Variants in GREB1L observed in about 807,000 individuals in gnomAD.
The protein encoded by GREB1L is GREB1 like retinoic acid receptor coactivator.
GREB1L carries 17 observed loss-of-function variants against 200.8 expected under a neutral mutation model. The observed-to-expected ratio is 0.08, with a 90% CI of 0.06 to 0.13. The LOEUF (loss-of-function observed/expected upper bound fraction) is 0.13, where lower values mean the gene tolerates loss of function less well. Among genes scored for constraint, GREB1L ranks in the 10% least tolerant of loss-of-function variants. GREB1L has a pLI of 1.00. For missense variants in GREB1L, 1,657 were observed against 2,367.7 expected, an observed-to-expected ratio of 0.70 and a Z score of 6.23; for synonymous variants, 789 against 893.0, an observed-to-expected ratio of 0.88 and a Z score of 2.08.
In GREB1L at chr18:21,414,884, T is replaced by A. The variant is rs575885086; in HGVS notation, c.832+10890T>A. Among the ~76,000 whole-genome samples, 632 of 152,228 alleles carry A rather than the reference T, an allele frequency of 4.2e-3. 6 individuals carry two copies. The highest frequency in any genetic ancestry group is 0.014 in the African/African-American group (586 of 41,546). On this transcript the variant is annotated intron_variant, in intron 7 of 32. Transcript: ENST00000424526. ...TACAGACAAAAATACATTAAAAAAA[T>A]TTTAAATACACTATTCATCAGGCAA...
intron 21 of GREB1L, among the ~76,000 whole-genome samples, chr18:21,499,027 G>A (rs1006995220): frequency 2.6e-5 from 4 of 152,168 alleles, no homozygotes; most frequent in Non-Finnish European, 5.9e-5. Flanking sequence ...AAATATGTGG[G>A]GCTACTTTAG....
intron 7 of GREB1L, among the ~76,000 whole-genome samples, chr18:21,406,794 T>A (rs556715379): frequency 6.6e-6 from 1 of 152,296 alleles, no homozygotes; most frequent in African/African-American, 2.4e-5. Flanking sequence ...TTGTCTTGAG[T>A]TCTACCTGCT....
chr18:21,446,962 A>G (rs768228793), intron 11 of GREB1L, among the ~76,000 whole-genome samples: 1 of 152,366 alleles, frequency 6.6e-6, no homozygotes, highest in South Asian at 2.1e-4. Flanking sequence ...CTCTGAGTCT[A>G]TTTAAACCTT....
chr18:21,350,955 ATTC>A (rs1202917977), intron 1 of GREB1L, among the ~76,000 whole-genome samples: 1 of 151,944 alleles, frequency 6.6e-6, no homozygotes, highest in Admixed American at 6.6e-5. Flanking sequence ...ATTTATTCTC[ATTC>A]TTCTTCTCTG....
intron 1 of GREB1L, among the ~76,000 whole-genome samples, chr18:21,273,702 G>C (rs2038115214): frequency 6.6e-6 from 1 of 152,168 alleles, no homozygotes; most frequent in South Asian, 2.1e-4. Flanking sequence ...GGAAGATTGA[G>C]ACAAAGCACA....
intron 1 of GREB1L, among the ~76,000 whole-genome samples, chr18:21,258,650 G>A (rs1042171910): frequency 7.2e-5 from 11 of 152,150 alleles, no homozygotes; most frequent in African/African-American, 2.7e-4. Flanking sequence ...TTTAAATAAA[G>A]GATGGTAATG....
At chr18:21,374,268 T>C (rs1270630374) in intron 2 of GREB1L, among the ~76,000 whole-genome samples, 5 of 152,200 alleles carry the variant, frequency 3.3e-5, no homozygotes, top group African/African-American at 1.2e-4. Flanking sequence ...CCTCCCAAAT[T>C]GCTGGGATTA....
intron 15 of GREB1L, among the ~76,000 whole-genome samples, chr18:21,466,780 G>T (rs568122171): frequency 6.6e-6 from 1 of 152,182 alleles, no homozygotes; most frequent in East Asian, 1.9e-4. Flanking sequence ...GAAATTTGAG[G>T]ACCCAGCATA....
chr18:21,297,076 G>C (rs572204866), intron 1 of GREB1L, among the ~76,000 whole-genome samples: 57 of 152,290 alleles, frequency 3.7e-4, no homozygotes, highest in Non-Finnish European at 6.3e-4. Flanking sequence ...TCTCTGACCA[G>C]CAGAGCCGCC....
chr18:21,281,420 C>G (rs1306334076), intron 1 of GREB1L, among the ~76,000 whole-genome samples: 1 of 152,108 alleles, frequency 6.6e-6, no homozygotes, highest in Non-Finnish European at 1.5e-5. Flanking sequence ...TTAAAAACCT[C>G]TTTACTATAC....
chr18:21,316,897 G>A (rs2038878629), intron 1 of GREB1L: 1 of 151,694 alleles, frequency 6.6e-6, no homozygotes, highest in Non-Finnish European at 1.5e-5. Context: ...GAGTAGCTGG[G>A]ATTACAGGCA....
At chr18:21,377,242 A>G (rs1466059510) in intron 2 of GREB1L, among the ~76,000 whole-genome samples, 2 of 151,964 alleles carry the variant, frequency 1.3e-5, no homozygotes, top group East Asian at 1.9e-4. Context: ...GACTTTAGAA[A>G]GTGGGGCTAG....
intron 1 of GREB1L, among the ~76,000 whole-genome samples, chr18:21,329,086 G>A (rs1481697543): frequency 2.0e-5 from 3 of 152,078 alleles, no homozygotes; most frequent in African/African-American, 4.8e-5. Context: ...CCCTTTGAGC[G>A]ACCAAGGCAG....
intron 2 of GREB1L, among the ~76,000 whole-genome samples, chr18:21,373,264 T>C: frequency 6.6e-6 from 1 of 152,204 alleles, no homozygotes; most frequent in East Asian, 1.9e-4. Flanking sequence ...GTTTCACTTA[T>C]TACCATTGCC....
chr18:21,428,507 AGAT>A (rs2032831741), intron 7 of GREB1L, among the ~76,000 whole-genome samples: 1 of 150,828 alleles, frequency 6.6e-6, no homozygotes, highest in African/African-American at 2.4e-5. Context: ...GTGTCTCTTG[AGAT>A]GATCATGTGG....
At chr18:21,488,008 C>G (rs1469521444) in intron 18 of GREB1L, among the ~76,000 whole-genome samples, 2 of 144,524 alleles carry the variant, frequency 1.4e-5, no homozygotes, top group East Asian at 4.1e-4. Context: ...GAGACTCCAT[C>G]TCAAAAAAAA....
intron 1 of GREB1L, among the ~76,000 whole-genome samples, chr18:21,345,061 A>G (rs1454855217): frequency 6.6e-6 from 1 of 152,122 alleles, no homozygotes; most frequent in Non-Finnish European, 1.5e-5. Flanking sequence ...ACTTCTAGGA[A>G]TCCCTGAAGA....
rs2037486373 is a variant in GREB1L, at chr18:21,518,114, T to C, written c.5352T>C (p.Pro1784=). 1 of 1,551,610 alleles carries C rather than the reference T, an allele frequency of 6.4e-7. No individual in the cohort carries two copies. The highest frequency in any genetic ancestry group is 8.7e-7 in the Non-Finnish European group (1 of 1,146,938). The change falls in exon 31 of 33, where the codon CCT becomes CCC. Residue 1784 remains proline, a synonymous_variant. Coordinates refer to ENST00000424526, the MANE Select transcript of GREB1L (RefSeq NM_001142966.3). The stretch of plus-strand genomic sequence containing the variant: ...GTGAACACACACTACTGGCAGCCCC[T>C]GCACAGTTTCTCCTGGAGAAATTCC... ...PDSEHTLLAA[P]AQFLLEKFLQ... is the part of the protein sequence containing the mutation.
intron 1 of GREB1L, among the ~76,000 whole-genome samples, chr18:21,263,936 T>C (rs909178999): frequency 6.6e-6 from 1 of 152,208 alleles, no homozygotes; most frequent in African/African-American, 2.4e-5. Context: ...TTTTCACTTC[T>C]GAAGTTATAG....
Sources: allele counts gnomAD v4.1 joint callset (sites outside exome capture counted in the v4.1 genomes callset), GRCh38; gene constraint gnomAD v4.1.1; transcripts MANE v1.5; gene names NCBI Gene and HGNC (gene_info 2026-07-23, HGNC 2026-07-21).